Variants in CSMD1 observed in about 807,000 individuals in gnomAD.
CSMD1 encodes the protein CUB and sushi domain-containing protein 1.
Under a neutral mutation model 417.5 loss-of-function variants are expected in CSMD1, and 213 were observed. The observed-to-expected ratio is 0.51, with a 90% CI of 0.46 to 0.57. The LOEUF (loss-of-function observed/expected upper bound fraction) is 0.57. Among genes scored for constraint, CSMD1 ranks in the 20% least tolerant of loss-of-function variants. CSMD1 has a pLI of 0.00. For synonymous variants in CSMD1, 2,862 were observed against 1,736.8 expected (o/e 1.65, Z -16.11); for missense variants, 6,923 against 4,529.7 (o/e 1.53, Z -15.17).
chr8:3,494,563 GATA>G (rs761502625), intron 10 of CSMD1, among the ~76,000 whole-genome samples: 998 of 45,486 alleles, frequency 0.022, 13 homozygotes, highest in African/African-American at 0.066. Context: ...ATGATAGATA[GATA>G]GATAGATAGA....
chr8:3,815,791 G>A (rs764670384), intron 5 of CSMD1, among the ~76,000 whole-genome samples: 2 of 152,096 alleles, frequency 1.3e-5, no homozygotes, highest in Admixed American at 6.6e-5. Flanking sequence ...ATAGTAGTGA[G>A]CTAGTGAACG....
Position 3,208,934 on chromosome 8 carries a change from T to C in CSMD1, c.4868-3314A>G, listed in dbSNP as rs533324553. Among the ~76,000 whole-genome samples, 47 of 152,330 alleles carry C rather than the reference T, an allele frequency of 3.1e-4. No homozygotes were observed. In the South Asian group the frequency reaches 6.6e-3, roughly 21 times the overall value. ...CATATTGTGGGAATTTGTGATCATG[T>C]GAGTTAATGCTTAATAAACTCCCCT... On this transcript the variant is annotated intron_variant, in intron 30 of 69. Coordinates refer to ENST00000635120, the MANE Select transcript of CSMD1 (RefSeq NM_033225.6).
intron 2 of CSMD1, among the ~76,000 whole-genome samples, chr8:4,511,813 T>C (rs1221182816): frequency 6.6e-6 from 1 of 152,152 alleles, no homozygotes; most frequent in Non-Finnish European, 1.5e-5. Context: ...CTACACATTA[T>C]GAGTTTTACT....
intron 3 of CSMD1, among the ~76,000 whole-genome samples, chr8:4,185,291 A>T (rs529172608): frequency 1.3e-5 from 2 of 152,202 alleles, no homozygotes; most frequent in Non-Finnish European, 2.9e-5. Context: ...CAAATTGTTT[A>T]ATCTTTTTGT....
At chr8:3,750,726 A>T (rs1467992575) in intron 6 of CSMD1, among the ~76,000 whole-genome samples, 1 of 152,084 alleles carries the variant, frequency 6.6e-6, no homozygotes, top group Admixed American at 6.6e-5. Context: ...CTCGCAAAAA[A>T]CCAGGACAGC....
intron 3 of CSMD1, among the ~76,000 whole-genome samples, chr8:4,092,947 C>T (rs1256835744): frequency 6.6e-6 from 1 of 152,026 alleles, no homozygotes; most frequent in African/African-American, 2.4e-5. Flanking sequence ...ATTACTCTTC[C>T]TGTCACTCCT....
intron 3 of CSMD1, among the ~76,000 whole-genome samples, chr8:4,341,093 T>A (rs146031042): frequency 3.9e-5 from 6 of 152,098 alleles, no homozygotes; most frequent in African/African-American, 1.4e-4. Flanking sequence ...AGTGAGAGAA[T>A]AGAGATATCT....
chr8:4,468,186 T>C (rs1236920946), intron 2 of CSMD1, among the ~76,000 whole-genome samples: 1 of 152,092 alleles, frequency 6.6e-6, no homozygotes, highest in African/African-American at 2.4e-5. Context: ...CTTGTCACGC[T>C]GTGTAAGTTG....
intron 1 of CSMD1, among the ~76,000 whole-genome samples, chr8:4,921,528 G>C (rs181466341): frequency 6.6e-6 from 1 of 152,036 alleles, no homozygotes; most frequent in Non-Finnish European, 1.5e-5. Flanking sequence ...CTATATAGTT[G>C]GTAAAATGGC....
chr8:3,862,480 G>A (rs183685814), intron 5 of CSMD1, among the ~76,000 whole-genome samples: 1 of 152,122 alleles, frequency 6.6e-6, no homozygotes, highest in African/African-American at 2.4e-5. Context: ...CCTTTCGCCA[G>A]AACTCAAAGT....
chr8:3,591,228 A>C (rs995304074), intron 8 of CSMD1, among the ~76,000 whole-genome samples: 3 of 152,208 alleles, frequency 2.0e-5, no homozygotes, highest in African/African-American at 7.2e-5. Context: ...CAAAGCAGCA[A>C]AATTTTGACT....
At chr8:3,581,057 T>C (rs965290514) in intron 9 of CSMD1, among the ~76,000 whole-genome samples, 8 of 152,180 alleles carry the variant, frequency 5.3e-5, no homozygotes, top group African/African-American at 1.9e-4. Flanking sequence ...CTTAGAGGGC[T>C]TTTCATCTCA....
intron 3 of CSMD1, among the ~76,000 whole-genome samples, chr8:4,040,593 G>T (rs915196791): frequency 6.6e-6 from 1 of 152,204 alleles, no homozygotes; most frequent in African/African-American, 2.4e-5. Context: ...ATAATAACAT[G>T]CATATATGGA....
At chr8:4,110,538 G>C (rs1178329281) in intron 3 of CSMD1, among the ~76,000 whole-genome samples, 1 of 151,940 alleles carries the variant, frequency 6.6e-6, no homozygotes, top group Admixed American at 6.6e-5. Flanking sequence ...ATTTTCATTT[G>C]TATTTAATTT....
intron 1 of CSMD1, among the ~76,000 whole-genome samples, chr8:4,658,477 A>T (rs901338975): frequency 6.6e-6 from 1 of 152,144 alleles, no homozygotes; most frequent in Non-Finnish European, 1.5e-5. Flanking sequence ...AAAAAAGCAA[A>T]AACAAAAACA....
intron 3 of CSMD1, among the ~76,000 whole-genome samples, chr8:4,045,648 G>C (rs946107530): frequency 1.3e-5 from 2 of 152,304 alleles, no homozygotes; most frequent in African/African-American, 4.8e-5. Context: ...AGCTTGACAA[G>C]ATGGATTGTA....
At chr8:3,053,225 T>C (rs1236078357) in intron 49 of CSMD1, among the ~76,000 whole-genome samples, 1 of 152,228 alleles carries the variant, frequency 6.6e-6, no homozygotes, top group Non-Finnish European at 1.5e-5. Flanking sequence ...CTGACCACTC[T>C]CATGCAGCTT....
At chr8:4,471,995 C>A (rs1357089047) in intron 2 of CSMD1, among the ~76,000 whole-genome samples, 2 of 152,096 alleles carry the variant, frequency 1.3e-5, no homozygotes, top group Non-Finnish European at 2.9e-5. Context: ...TCTGCTCTAA[C>A]CCTAAGAATC....
chr8:4,769,289 G>A (rs1230148126), intron 1 of CSMD1, among the ~76,000 whole-genome samples: 1 of 152,150 alleles, frequency 6.6e-6, no homozygotes, highest in Non-Finnish European at 1.5e-5. Context: ...AAGTACACCT[G>A]AAGGAATCTT....
Sources: gnomAD v4.1 joint callset for allele counts (sites outside exome capture counted in the v4.1 genomes callset) on GRCh38, gnomAD v4.1.1 for gene constraint, MANE v1.5 for transcripts, NCBI Gene and HGNC (gene_info 2026-07-23, HGNC 2026-07-21) for gene names.